The following CNIH3 variants were observed in gnomAD, a reference collection of about 807,000 sequenced individuals.
CNIH3 encodes cornichon family AMPA receptor auxiliary protein 3, also known as protein cornichon homolog 3.
CNIH3 carries 14 observed loss-of-function variants against 24.1 expected under a neutral mutation model. The observed-to-expected ratio is 0.58, with a 90% CI of 0.38 to 0.91. The LOEUF is 0.91. Ranked by LOEUF, CNIH3 falls within the 40% of genes least tolerant of loss-of-function variation. The pLI is 0.00. For missense variants in CNIH3, 178 were observed against 196.8 expected (o/e 0.90, Z 0.57); for synonymous variants, 68 against 73.8 (o/e 0.92, Z 0.40).
chr1:224,434,897 G>T (rs1228601109), intron 1 of CNIH3: 25 of 985,478 alleles, frequency 2.5e-5, no homozygotes, highest in Non-Finnish European at 3.0e-5. Flanking sequence ...CACCCAGCAC[G>T]TGCATCGGGG....
chr1:224,705,744 T>TGCTCCA (rs895433971), intron 3 of CNIH3, among the ~76,000 whole-genome samples: 5 of 152,126 alleles, frequency 3.3e-5, no homozygotes, highest in Admixed American at 6.5e-5. Flanking sequence ...CATAGTACCC[T>TGCTCCA]GCTCCAGCCA....
rs141805576 is a variant in CNIH3, at chr1:224,634,472, G to A, written c.81+17217G>A. 3.3e-3 allele frequency among the ~76,000 whole-genome samples: 505 copies of A among 152,070 alleles called. 4 individuals carry two copies. The highest frequency in any genetic ancestry group is 0.012 in the African/African-American group (484 of 41,460). On this transcript the variant is annotated intron_variant, in intron 1 of 5. Coordinates refer to ENST00000272133, the MANE Select transcript of CNIH3 (RefSeq NM_152495.2). ...TAGTCCCAGCTACTCAGGAGGCTGA[G>A]GCAGGAGAATTGCTTGAAACTGGGA...
intron 3 of CNIH3, among the ~76,000 whole-genome samples, chr1:224,609,020 C>T (rs1357731780): frequency 1.3e-5 from 2 of 152,206 alleles, no homozygotes; most frequent in African/African-American, 4.8e-5. Flanking sequence ...GACTGCCTCT[C>T]TCTGGCACGG....
rs778760452 is a variant in CNIH3 at position 224,740,295 on chromosome 1, C to T, written c.*939C>T. ...GGACATCATCTTATTTAGAATTTTC[C>T]GTTTGGCATTCTCTTTTGGGTGGGA... On this transcript the variant is annotated 3_prime_UTR_variant, in exon 6 of 6. Coordinates refer to ENST00000272133, the MANE Select transcript of CNIH3 (RefSeq NM_152495.2). 9 of 152,070 alleles carry T rather than the reference C, an allele frequency of 5.9e-5. No individual in the cohort carries two copies. Among genetic ancestry groups the T allele is most frequent in the Admixed American group, 3.3e-4 (5 of 15,276 alleles). The allele number at this position is 152,070 out of a possible 1,614,324, so 9.4% of individuals were successfully genotyped here.
chr1:224,646,140 G>GACGTAAGA (rs1684594420), intron 1 of CNIH3, among the ~76,000 whole-genome samples: 5 of 107,204 alleles, frequency 4.7e-5, no homozygotes. Context: ...ACGTAAGACA[G>GACGTAAGA]CAGAGGTTTT....
chr1:224,626,063 T>G (rs1683511697), intron 1 of CNIH3, among the ~76,000 whole-genome samples: 1 of 152,198 alleles, frequency 6.6e-6, no homozygotes, highest in Non-Finnish European at 1.5e-5. Context: ...ATCCTTGCCA[T>G]TCACATTGCT....
At chr1:224,532,190 G>A (rs543692944) in intron 2 of CNIH3, among the ~76,000 whole-genome samples, 209 of 152,238 alleles carry the variant, frequency 1.4e-3, no homozygotes, top group African/African-American at 4.2e-3. Context: ...GTTTTTCCAC[G>A]AAGGTAAAGG....
rs1439257629 is a variant in CNIH3 at position 224,739,320 on chromosome 1, T to C, written c.456-9T>C. 1 of 1,112,786 alleles carries C rather than the reference T, an allele frequency of 9.0e-7. No homozygotes were observed. Among genetic ancestry groups the C allele is most frequent in the African/African-American group, 2.4e-5 (1 of 42,474 alleles). The allele number at this position is 1,112,786 out of a possible 1,614,324, so 68.9% of individuals were successfully genotyped here. A position where few individuals can be genotyped will look rare whatever the true frequency, so the allele number is the denominator to read the frequency against. ...CTTTTTTTTTTTTTTTTTTTTTTTT[T>C]GCATTCAGCATGATCTACACTTTAG... On this transcript the variant is annotated splice_polypyrimidine_tract_variant and intron_variant, in intron 5 of 5. Coordinates refer to ENST00000272133, the MANE Select transcript of CNIH3 (RefSeq NM_152495.2).
chr1:224,600,267 G>C (rs112468243), intron 3 of CNIH3, among the ~76,000 whole-genome samples: 1 of 149,584 alleles, frequency 6.7e-6, no homozygotes, highest in Non-Finnish European at 1.5e-5. Context: ...TTGGCTCACC[G>C]CAACCTCCAC....
chr1:224,610,758 C>T lies in CNIH3; in HGVS notation n.402+44494C>T, dbSNP rs548980078. On this transcript the variant is annotated intron_variant and non_coding_transcript_variant, in intron 3 of 7. Coordinates refer to the CNIH3 transcript ENST00000478120. ...ATAACAACTCAGGAGGAGCAGGAATCGGTTAAGAATAGGTCAGGAAAACAT... is the reference window on the plus strand; with the variant it reads ...ATAACAACTCAGGAGGAGCAGGAATTGGTTAAGAATAGGTCAGGAAAACAT... Among the ~76,000 whole-genome samples, 4 of 152,248 alleles carry T rather than the reference C, an allele frequency of 2.6e-5. No individual in the cohort carries two copies. In the East Asian group the frequency reaches 5.8e-4, roughly 22 times the overall value.
At chr1:224,500,955 C>T (rs1009841004) in intron 1 of CNIH3, among the ~76,000 whole-genome samples, 1 of 152,216 alleles carries the variant, frequency 6.6e-6, no homozygotes, top group African/African-American at 2.4e-5. Flanking sequence ...CCTGCACCAT[C>T]ACATCTCCAT....
chr1:224,686,557 C>T (rs1452873214), intron 3 of CNIH3, among the ~76,000 whole-genome samples: 1 of 152,160 alleles, frequency 6.6e-6, no homozygotes, highest in Non-Finnish European at 1.5e-5. Context: ...TCTATAGTCT[C>T]TGGGTTTGTT....
intron 3 of CNIH3, among the ~76,000 whole-genome samples, chr1:224,698,355 G>T (rs1687289108): frequency 6.6e-6 from 1 of 152,218 alleles, no homozygotes; most frequent in Non-Finnish European, 1.5e-5. Context: ...AAGGAGGTAG[G>T]CGGGGAACAC....
In CNIH3 at chr1:224,686,764, G is replaced by C. The variant is rs115737679; in HGVS notation, c.198+1921G>C. Among the ~76,000 whole-genome samples the C allele has an allele frequency of 9.2e-3, 1,396 of 152,340 alleles. 26 individuals are homozygous for C. Among genetic ancestry groups the C allele is most frequent in the African/African-American group, 0.032 (1,313 of 41,568 alleles). On this transcript the variant is annotated intron_variant, in intron 3 of 5. Transcript: ENST00000272133. ...CTGCTTGACCAGTGACTCCGGCCAGGCAGCAGGCAATGGCCAAGGTCCTGT... is the reference window on the plus strand; with the variant it reads ...CTGCTTGACCAGTGACTCCGGCCAGCCAGCAGGCAATGGCCAAGGTCCTGT...
At chr1:224,531,669 G>C (rs910885769) in intron 2 of CNIH3, among the ~76,000 whole-genome samples, 1 of 152,144 alleles carries the variant, frequency 6.6e-6, no homozygotes, top group African/African-American at 2.4e-5. Context: ...TTTTAGCAGG[G>C]GTGTGACATG....
rs2125149843 is a variant in CNIH3, at chr1:224,684,896, G to C, written c.198+53G>C. The C allele has an allele frequency of 1.9e-6, 3 of 1,545,806 alleles. No individual in the cohort carries two copies. In the East Asian group the frequency reaches 6.7e-5, roughly 35 times the overall value. On this transcript the variant is annotated intron_variant, in intron 3 of 5. Transcript: ENST00000272133. This position sits in a 1 kb window ranked among gnomAD's most constrained non-coding sequence, Gnocchi z 4.2. ...TGGAGGATCGCATGGTGGTGGGTGG[G>C]CACACAGTGAAAGAGGCTAGTGAGG...
At chr1:224,614,359 G>A (rs1682841132), upstream of CNIH3, among the ~76,000 whole-genome samples, 1 of 152,198 alleles carries the variant, frequency 6.6e-6, no homozygotes, top group Non-Finnish European at 1.5e-5. Context: ...CTCACTGAAA[G>A]GCATCTAGTT....
rs7530828 is a variant in CNIH3 at position 224,441,584 on chromosome 1, A to G, written n.203+6722A>G. On this transcript the variant is annotated intron_variant and non_coding_transcript_variant, in intron 1 of 5. Transcript: ENST00000471578. ...CTCTGACATTATGATAATCACAATA[A>G]TCAATGGTAAAACACAATTATGACT... Among the ~76,000 whole-genome samples the G allele has an allele frequency of 2.4e-3, 369 of 152,368 alleles. 3 individuals are homozygous for G. Among genetic ancestry groups the G allele is most frequent in the African/African-American group, 8.4e-3 (350 of 41,590 alleles).
At chr1:224,588,058 T>C (rs955040254) in intron 5 of CNIH3, among the ~76,000 whole-genome samples, 13 of 152,344 alleles carry the variant, frequency 8.5e-5, no homozygotes, top group African/African-American at 3.1e-4. Flanking sequence ...TATCTAAATG[T>C]CAACTCCCAT....
Sources: gnomAD v4.1 joint callset for allele counts (sites outside exome capture counted in the v4.1 genomes callset) on GRCh38, gnomAD v4.1.1 for gene constraint, Gnocchi (gnomAD v3.1) non-coding constraint, MANE v1.5 for transcripts, NCBI Gene and HGNC (gene_info 2026-07-23, HGNC 2026-07-21) for gene names.